Variants in CHODL observed in about 807,000 individuals in gnomAD.
The protein encoded by CHODL is transmembrane protein MT75.
In CHODL, 29 loss-of-function variants were observed where a neutral mutation model predicts 34.5. The ratio of observed to expected loss-of-function variants is 0.84; its 90% CI spans 0.63 to 1.15. The LOEUF (loss-of-function observed/expected upper bound fraction) is 1.15, where lower values mean the gene tolerates loss of function less well. CHODL is among the 50% of genes most tolerant of loss of function. The probability of loss-of-function intolerance (pLI) is 0.00; values close to 1 mark genes in which losing one functional copy is unlikely to be tolerated. For synonymous variants in CHODL, 125 were observed against 116.1 expected, an observed-to-expected ratio of 1.08 and a Z score of -0.49; for missense variants, 332 against 332.5, an observed-to-expected ratio of 1.00 and a Z score of 0.01.
At chr21:18,151,722 C>T (rs2072971823) in intron 2 of CHODL, among the ~76,000 whole-genome samples, 1 of 152,104 alleles carries the variant, frequency 6.6e-6, no homozygotes, top group African/African-American at 2.4e-5. Context: ...AGTATCAAAA[C>T]TGAATTGGAG....
intron 1 of CHODL, among the ~76,000 whole-genome samples, chr21:17,931,785 C>T (rs1047664312): frequency 1.2e-4 from 19 of 152,196 alleles, no homozygotes; most frequent in African/African-American, 4.6e-4. Flanking sequence ...CTATCTCTCA[C>T]CATATACAAA....
intron 1 of CHODL, among the ~76,000 whole-genome samples, chr21:17,989,209 T>A (rs2063778315): frequency 6.6e-6 from 1 of 152,194 alleles, no homozygotes; most frequent in Admixed American, 6.6e-5. Flanking sequence ...AAAGACTGGA[T>A]GCAGAATACT....
chr21:18,009,056 A>C (rs536421948), intron 1 of CHODL, among the ~76,000 whole-genome samples: 4 of 152,252 alleles, frequency 2.6e-5, no homozygotes, highest in Non-Finnish European at 5.9e-5. Flanking sequence ...TTGGCAAACT[A>C]TATGGTACAT....
intron 2 of CHODL, among the ~76,000 whole-genome samples, chr21:18,031,801 C>T (rs1014729830): frequency 1.3e-5 from 2 of 152,028 alleles, no homozygotes; most frequent in Non-Finnish European, 2.9e-5. Flanking sequence ...AGCCTTTTTC[C>T]TAATTACCAA....
At chr21:17,962,231 C>G (rs578029109) in intron 1 of CHODL, among the ~76,000 whole-genome samples, 50 of 152,260 alleles carry the variant, frequency 3.3e-4, no homozygotes, top group Non-Finnish European at 6.0e-4. Flanking sequence ...CTAAACTTAT[C>G]CTAAAAGCTC....
intron 2 of CHODL, among the ~76,000 whole-genome samples, chr21:18,090,858 A>T (rs1479484083): frequency 2.0e-5 from 3 of 152,194 alleles, no homozygotes; most frequent in African/African-American, 7.2e-5. Context: ...AACTATCTGC[A>T]CACAGTAAAG....
At chr21:18,134,346 T>G in intron 2 of CHODL, 2 of 517,864 alleles carry the variant, frequency 3.9e-6, no homozygotes, top group Admixed American at 1.9e-5. Context: ...GACTTCACTT[T>G]TTAGTCCACT....
At chr21:18,054,917 T>TAA (rs1346872220) in intron 2 of CHODL, among the ~76,000 whole-genome samples, 1 of 151,990 alleles carries the variant, frequency 6.6e-6, no homozygotes, top group Non-Finnish European at 1.5e-5. Context: ...CAAGCCTCTG[T>TAA]TTTTCCAGCT....
chr21:18,045,530 G>T (rs993704582), intron 2 of CHODL, among the ~76,000 whole-genome samples: 1 of 151,766 alleles, frequency 6.6e-6, no homozygotes, highest in African/African-American at 2.4e-5. Flanking sequence ...AGGCAAGGAA[G>T]AATTTTGCCT....
chr21:18,045,540 T>G (rs1342206750), intron 2 of CHODL, among the ~76,000 whole-genome samples: 1 of 151,958 alleles, frequency 6.6e-6, no homozygotes, highest in Non-Finnish European at 1.5e-5. Flanking sequence ...GAATTTTGCC[T>G]TAGAGTCTTT....
chr21:18,129,898 G>C (rs1568901329), intron 2 of CHODL, among the ~76,000 whole-genome samples: 1 of 29,998 alleles, frequency 3.3e-5, no homozygotes, highest in Non-Finnish European at 5.2e-5. Flanking sequence ...TTCTCTGTGT[G>C]TGTGTGTGTG....
chr21:18,246,591 A>G (rs979456), intron 1 of CHODL, among the ~76,000 whole-genome samples: 4,394 of 152,262 alleles, frequency 0.029, 229 homozygotes, highest in African/African-American at 0.098. Context: ...CAAAGAAAAA[A>G]TTCATTATAT....
At chr21:18,046,160 A>G (rs1377190477) in intron 2 of CHODL, among the ~76,000 whole-genome samples, 1 of 151,970 alleles carries the variant, frequency 6.6e-6, no homozygotes, top group Admixed American at 6.6e-5. Context: ...GGAGACCGAG[A>G]GGATATCAGA....
chr21:18,259,613 A>G (rs1403901782), intron 3 of CHODL, among the ~76,000 whole-genome samples: 4 of 152,198 alleles, frequency 2.6e-5, no homozygotes, highest in Non-Finnish European at 5.9e-5. Flanking sequence ...GCTTTAATTT[A>G]GTGTTATTAT....
At chr21:17,968,468 A>C (rs1191398270) in intron 1 of CHODL, among the ~76,000 whole-genome samples, 1 of 152,250 alleles carries the variant, frequency 6.6e-6, no homozygotes, top group Non-Finnish European at 1.5e-5. Context: ...GGTCTCTGTT[A>C]AAATAAATTT....
At chr21:18,188,848 C>A (rs150247420) in intron 2 of CHODL, among the ~76,000 whole-genome samples, 3 of 152,086 alleles carry the variant, frequency 2.0e-5, no homozygotes, top group Non-Finnish European at 4.4e-5. Context: ...AAACGATGTG[C>A]GTGTTCAGAG....
At chr21:18,065,865 G>C (rs976360470) in intron 2 of CHODL, among the ~76,000 whole-genome samples, 1 of 152,180 alleles carries the variant, frequency 6.6e-6, no homozygotes, top group African/African-American at 2.4e-5. Context: ...CTTTTAACAG[G>C]AATGCTGTGA....
At chr21:18,026,821 T>C (rs937843958) in intron 1 of CHODL, among the ~76,000 whole-genome samples, 11 of 152,186 alleles carry the variant, frequency 7.2e-5, no homozygotes, top group Non-Finnish European at 1.5e-4. Flanking sequence ...TAACTTCAAC[T>C]CCACATGAAA....
intron 2 of CHODL, among the ~76,000 whole-genome samples, chr21:18,051,870 G>A (rs2146469674): frequency 6.6e-6 from 1 of 151,978 alleles, no homozygotes; most frequent in African/African-American, 2.4e-5. Context: ...TTTTATATAA[G>A]TTTTTCTTAT....
Sources: allele counts gnomAD v4.1 joint callset (sites outside exome capture counted in the v4.1 genomes callset), GRCh38; gene constraint gnomAD v4.1.1; transcripts MANE v1.5; gene names NCBI Gene and HGNC (gene_info 2026-07-23, HGNC 2026-07-21).